Variants in IMMP2L observed in about 807,000 individuals in gnomAD.
IMMP2L encodes the protein inner mitochondrial membrane peptidase subunit 2, also known as mitochondrial inner membrane protease subunit 2.
IMMP2L carries 18 observed loss-of-function variants against 19.3 expected under a neutral mutation model. The ratio of observed to expected loss-of-function variants is 0.93; its 90% confidence interval spans 0.64 to 1.38. The LOEUF is 1.38. Among genes scored for constraint, IMMP2L ranks in the 40% most tolerant of loss-of-function variants. The probability of loss-of-function intolerance (pLI) is 0.00; values close to 1 mark genes in which losing one functional copy is unlikely to be tolerated. For synonymous variants in IMMP2L, 76 were observed against 73.0 expected (o/e 1.04, Z -0.21); for missense variants, 233 against 218.2 (o/e 1.07, Z -0.43).
intron 3 of IMMP2L, among the ~76,000 whole-genome samples, chr7:111,082,155 G>A (rs1470573763): frequency 2.0e-5 from 3 of 152,294 alleles, no homozygotes; most frequent in East Asian, 3.9e-4. Flanking sequence ...TTGGCACAGG[G>A]ATAGCACTAC....
chr7:110,828,505 T>G (rs757813630), intron 5 of IMMP2L, among the ~76,000 whole-genome samples: 6 of 152,178 alleles, frequency 3.9e-5, no homozygotes, highest in Non-Finnish European at 7.3e-5. Flanking sequence ...TGGCCCTCCT[T>G]AAATTCCAAA....
intron 3 of IMMP2L, among the ~76,000 whole-genome samples, chr7:111,359,701 G>A (rs1164648641): frequency 1.3e-5 from 2 of 152,094 alleles, no homozygotes; most frequent in Non-Finnish European, 1.5e-5. Context: ...TGGTTGTTAA[G>A]CAAGAAATAA....
At chr7:111,298,120 G>T (rs983322262) in intron 3 of IMMP2L, among the ~76,000 whole-genome samples, 3 of 152,100 alleles carry the variant, frequency 2.0e-5, no homozygotes, top group Admixed American at 6.6e-5. Flanking sequence ...AGCAATTAAA[G>T]ATTATGAATT....
At chr7:111,111,758 T>G (rs1799234166) in intron 3 of IMMP2L, among the ~76,000 whole-genome samples, 1 of 151,860 alleles carries the variant, frequency 6.6e-6, no homozygotes, top group African/African-American at 2.4e-5. Flanking sequence ...CATAATTAGC[T>G]TCAAGTAAAG....
intron 4 of IMMP2L, among the ~76,000 whole-genome samples, chr7:110,936,253 T>G (rs259020): frequency 0.55 from 82,787 of 151,846 alleles, 24,255 homozygotes; most frequent in East Asian, 0.85. Flanking sequence ...ATCATCAGAG[T>G]GAACAGGCAA....
At chr7:111,253,617 C>G (rs1305760601) in intron 3 of IMMP2L, among the ~76,000 whole-genome samples, 1 of 152,056 alleles carries the variant, frequency 6.6e-6, no homozygotes, top group East Asian at 1.9e-4. Flanking sequence ...GGAAATTCCT[C>G]TAAGTGTTTT....
chr7:111,507,263 A>G (rs1472925604), intron 2 of IMMP2L, among the ~76,000 whole-genome samples: 1 of 152,186 alleles, frequency 6.6e-6, no homozygotes, highest in African/African-American at 2.4e-5. Context: ...TTCCAACCCA[A>G]AAAAGTTCTG....
chr7:110,996,133 G>T (rs1480108137), intron 3 of IMMP2L, among the ~76,000 whole-genome samples: 1 of 152,088 alleles, frequency 6.6e-6, no homozygotes, highest in Non-Finnish European at 1.5e-5. Flanking sequence ...GTATGCAATT[G>T]CACCTATAAG....
intron 3 of IMMP2L, among the ~76,000 whole-genome samples, chr7:111,295,666 C>T (rs543789138): frequency 4.0e-5 from 6 of 151,652 alleles, no homozygotes; most frequent in African/African-American, 1.2e-4. Flanking sequence ...TTCTAGCAGG[C>T]GTATAAATGT....
chr7:111,445,144 C>T (rs1838191693), intron 3 of IMMP2L, among the ~76,000 whole-genome samples: 1 of 151,950 alleles, frequency 6.6e-6, no homozygotes, highest in Non-Finnish European at 1.5e-5. Context: ...CCTTTCCCAT[C>T]TCTCTTCTCA....
At chr7:110,928,337 G>A (rs1201665618) in intron 4 of IMMP2L, among the ~76,000 whole-genome samples, 4 of 140,810 alleles carry the variant, frequency 2.8e-5, no homozygotes, top group African/African-American at 1.1e-4. Flanking sequence ...AGGTACATAT[G>A]TGTATATGTA....
At chr7:111,290,823 TAC>T (rs1010334893) in intron 3 of IMMP2L, among the ~76,000 whole-genome samples, 11 of 108,252 alleles carry the variant, frequency 1.0e-4, no homozygotes, top group Non-Finnish European at 1.7e-4. Context: ...TATATATATA[TAC>T]AAACACACAC....
intron 3 of IMMP2L, among the ~76,000 whole-genome samples, chr7:111,040,460 T>G (rs986112815): frequency 3.3e-5 from 5 of 151,962 alleles, no homozygotes; most frequent in Admixed American, 6.6e-5. Flanking sequence ...ACCCTGAGTT[T>G]AATAAAATGT....
rs73716497 is a variant in IMMP2L at position 110,890,714 on chromosome 7, A to G, written c.306-4019T>C. ...CAAATAATTTTGGTTTTGACAGTCA[A>G]AAATGAGCTCTGTATGGTACTCTAA... On this transcript the variant is annotated intron_variant, in intron 4 of 5. Transcript: ENST00000405709. 2.1e-3 allele frequency among the ~76,000 whole-genome samples: 319 copies of G among 152,308 alleles called. 3 individuals are homozygous for G. Among genetic ancestry groups the G allele is most frequent in the African/African-American group, 7.3e-3 (303 of 41,572 alleles).
intron 5 of IMMP2L, among the ~76,000 whole-genome samples, chr7:110,825,069 G>A (rs1803348868): frequency 6.6e-6 from 1 of 152,096 alleles, no homozygotes; most frequent in Non-Finnish European, 1.5e-5. Flanking sequence ...CGAATCATGA[G>A]TGAACTCTCA....
rs189692941 is a variant in IMMP2L, at chr7:110,696,588, G to A, written c.409-32867C>T. On this transcript the variant is annotated intron_variant, in intron 5 of 5. Transcript: ENST00000405709. The stretch of plus-strand genomic sequence containing the variant: ...ATTACAGGCACCTGCCACCATGCCC[G>A]GCTGATTTTTGTATTTTTAGTAGAG... Among the ~76,000 whole-genome samples, 745 of 151,890 alleles carry A rather than the reference G, an allele frequency of 4.9e-3. 6 individuals carry two copies. The highest frequency in any genetic ancestry group is 0.017 in the African/African-American group (703 of 41,442).
intron 3 of IMMP2L, among the ~76,000 whole-genome samples, chr7:111,037,908 T>C (rs972612040): frequency 2.6e-5 from 4 of 152,174 alleles, no homozygotes; most frequent in African/African-American, 9.6e-5. Context: ...TTAAATGTAC[T>C]GTATTTTGTT....
intron 5 of IMMP2L, among the ~76,000 whole-genome samples, chr7:110,678,907 G>A (rs953048310): frequency 6.6e-6 from 1 of 152,178 alleles, no homozygotes; most frequent in Non-Finnish European, 1.5e-5. Flanking sequence ...TGGTTTGGAA[G>A]AGATTCGAAA....
chr7:111,365,713 T>C (rs1829699775), intron 3 of IMMP2L, among the ~76,000 whole-genome samples: 1 of 152,054 alleles, frequency 6.6e-6, no homozygotes, highest in Non-Finnish European at 1.5e-5. Context: ...TGAAACTTGG[T>C]TTTATGAAAC....
Sources: gnomAD v4.1 joint callset for allele counts (sites outside exome capture counted in the v4.1 genomes callset) on GRCh38, gnomAD v4.1.1 for gene constraint, MANE v1.5 for transcripts, NCBI Gene and HGNC (gene_info 2026-07-23, HGNC 2026-07-21) for gene names.